The following KHDRBS2 variants were observed in gnomAD, a reference collection of about 807,000 sequenced individuals.
KHDRBS2 encodes KH domain-containing, RNA-binding, signal transduction-associated protein 2.
A neutral mutation model predicts 44.3 loss-of-function variants in KHDRBS2; 26 were observed. The observed-to-expected ratio is 0.59, with a 90% confidence interval of 0.43 to 0.81. The LOEUF (loss-of-function observed/expected upper bound fraction) is 0.81. Ranked by LOEUF, KHDRBS2 falls within the 40% of genes least tolerant of loss-of-function variation. KHDRBS2 has a pLI of 0.00. For synonymous variants in KHDRBS2, 194 were observed against 151.1 expected, an observed-to-expected ratio of 1.28 and a Z score of -2.08; for missense variants, 476 against 433.1, an observed-to-expected ratio of 1.10 and a Z score of -0.88.
chr6:61,873,460 C>T (rs1798951060), intron 6 of KHDRBS2, among the ~76,000 whole-genome samples: 1 of 151,604 alleles, frequency 6.6e-6, no homozygotes, highest in African/African-American at 2.4e-5. Context: ...TTATTTCATA[C>T]TTGATTAGTT....
the KHDRBS2 span, among the ~76,000 whole-genome samples, chr6:61,589,959 C>T: frequency 3.9e-5 from 6 of 152,016 alleles, no homozygotes; most frequent in African/African-American, 1.4e-4. Context: ...AAAAACAGTC[C>T]CCCCACAGTA....
At chr6:61,583,933 T>C in the KHDRBS2 span, among the ~76,000 whole-genome samples, 2 of 151,562 alleles carry the variant, frequency 1.3e-5, no homozygotes, top group Non-Finnish European at 3.0e-5. Flanking sequence ...ATATATATCT[T>C]TTATTATATT....
chr6:61,950,962 A>C (rs919348652), intron 4 of KHDRBS2, among the ~76,000 whole-genome samples: 56 of 152,126 alleles, frequency 3.7e-4, no homozygotes, highest in African/African-American at 1.4e-3. Flanking sequence ...GCATACATAA[A>C]TGCTGAGAGC....
At chr6:62,238,758 C>T (rs1192798765) in intron 1 of KHDRBS2, among the ~76,000 whole-genome samples, 4 of 151,728 alleles carry the variant, frequency 2.6e-5, no homozygotes, top group Non-Finnish European at 4.4e-5. Flanking sequence ...TAACAGTCCA[C>T]AGATTATTTA....
chr6:62,217,946 T>A (rs1018266948), intron 1 of KHDRBS2, among the ~76,000 whole-genome samples: 1 of 151,832 alleles, frequency 6.6e-6, no homozygotes, highest in Non-Finnish European at 1.5e-5. Context: ...CTTAAAAATC[T>A]TATTAAAAGC....
chr6:61,628,210 CTTTTTTTTTTTTTT>C, the KHDRBS2 span, among the ~76,000 whole-genome samples: 5 of 82,312 alleles, frequency 6.1e-5, no homozygotes, highest in African/African-American at 1.1e-4. Context: ...CATGTGTAGC[CTTTTTTTTTTTTTT>C]TTTTTTTTTT....
the KHDRBS2 span, among the ~76,000 whole-genome samples, chr6:61,628,915 G>A: frequency 1.3e-5 from 2 of 152,080 alleles, no homozygotes; most frequent in African/African-American, 4.8e-5. Context: ...AGATGCATAC[G>A]TTTTTCAGTT....
intron 2 of KHDRBS2, among the ~76,000 whole-genome samples, chr6:62,126,356 G>A (rs1375089962): frequency 6.6e-6 from 1 of 152,186 alleles, no homozygotes; most frequent in African/African-American, 2.4e-5. Flanking sequence ...AGATTTCTAA[G>A]GTTTCCAATT....
chr6:61,829,607 A>C (rs1791476994), intron 6 of KHDRBS2, among the ~76,000 whole-genome samples: 1 of 152,248 alleles, frequency 6.6e-6, no homozygotes, highest in Admixed American at 6.5e-5. Flanking sequence ...ACTATTTATC[A>C]GCAGGTCAAT....
rs75995204 is a variant in KHDRBS2, at chr6:61,754,219, G to A, written c.811-21455C>T. 1.8e-3 allele frequency among the ~76,000 whole-genome samples: 277 copies of A among 152,284 alleles called. 1 individual carries two copies. The South Asian group carries it at 0.021, about 12-fold the overall frequency. ...GCTGGAGTTCTCGGCAAGCTGAGAC[G>A]TTAAAAGCTGTCTATGTTAAAACAA... On this transcript the variant is annotated intron_variant, in intron 6 of 8. Transcript: ENST00000281156.
chr6:62,017,931 A>G (rs1584183613), intron 3 of KHDRBS2, among the ~76,000 whole-genome samples: 2 of 152,184 alleles, frequency 1.3e-5, no homozygotes, highest in South Asian at 4.1e-4. Flanking sequence ...TCAATTTGAT[A>G]TAAAAAATTT....
At chr6:61,817,603 T>G (rs79622919) in intron 6 of KHDRBS2, among the ~76,000 whole-genome samples, 10,115 of 152,166 alleles carry the variant, frequency 0.066, 403 homozygotes, top group Middle Eastern at 0.13. Context: ...TTGGAGAGAA[T>G]TTTTAGTTCA....
At chr6:61,718,312 C>CCCCAAAATATA (rs1290284983) in intron 7 of KHDRBS2, among the ~76,000 whole-genome samples, 1 of 152,026 alleles carries the variant, frequency 6.6e-6, no homozygotes, top group East Asian at 1.9e-4. Flanking sequence ...ACTGTATATT[C>CCCCAAAATATA]TTTCTTTTGC....
rs1584626266 is a variant in KHDRBS2 at position 62,089,575 on chromosome 6, C to T, written c.220-41581G>A. ...GCTGCACCCACTGCCTAACCAGTCC[C>T]AATGAGATGAACCGTGTACCTCAGT... On this transcript the variant is annotated intron_variant, in intron 2 of 8. Coordinates refer to ENST00000281156, the MANE Select transcript of KHDRBS2 (RefSeq NM_152688.4). 2.0e-5 allele frequency among the ~76,000 whole-genome samples: 3 copies of T among 152,176 alleles called. No individual in the cohort carries two copies. In the South Asian group the frequency reaches 6.2e-4, roughly 32 times the overall value.
chr6:61,664,720 G>T, the KHDRBS2 span, among the ~76,000 whole-genome samples: 1 of 151,758 alleles, frequency 6.6e-6, no homozygotes, highest in East Asian at 2.0e-4. Flanking sequence ...ATGGGTAGAA[G>T]AAGTTTAAAG....
At chr6:62,194,310 T>C (rs1435659110) in intron 1 of KHDRBS2, among the ~76,000 whole-genome samples, 1 of 151,862 alleles carries the variant, frequency 6.6e-6, no homozygotes. Flanking sequence ...CTACCACCAC[T>C]TGTTGAAATG....
the KHDRBS2 span, among the ~76,000 whole-genome samples, chr6:61,552,346 T>A: frequency 6.6e-6 from 1 of 152,152 alleles, no homozygotes; most frequent in Admixed American, 6.5e-5. Context: ...TGCTACTGAT[T>A]TTTGTACATT....
intron 2 of KHDRBS2, among the ~76,000 whole-genome samples, chr6:62,073,475 T>A (rs544158396): frequency 5.3e-5 from 8 of 151,464 alleles, no homozygotes; most frequent in African/African-American, 1.9e-4. Context: ...TGTTTGCTAA[T>A]TTTGCTCATC....
At chr6:62,216,504 G>A (rs541994253) in intron 1 of KHDRBS2, among the ~76,000 whole-genome samples, 2 of 151,704 alleles carry the variant, frequency 1.3e-5, no homozygotes, top group African/African-American at 4.8e-5. Context: ...AGGGATCTAA[G>A]AGGGCAAAAT....
Sources: gnomAD v4.1 joint callset for allele counts (sites outside exome capture counted in the v4.1 genomes callset) on GRCh38, gnomAD v4.1.1 for gene constraint, MANE v1.5 for transcripts, NCBI Gene and HGNC (gene_info 2026-07-23, HGNC 2026-07-21) for gene names.